The following TRPM2 variants were observed in gnomAD, a reference collection of about 807,000 sequenced individuals.
The protein encoded by TRPM2 is estrogen-responsive element-associated gene 1 protein.
TRPM2 carries 161 observed loss-of-function variants against 174.0 expected under a neutral mutation model. The observed-to-expected ratio is 0.93, with a 90% confidence interval of 0.81 to 1.05. The LOEUF (loss-of-function observed/expected upper bound fraction) is 1.05, where lower values mean the gene tolerates loss of function less well. Ranked by LOEUF, TRPM2 falls within the 50% of genes least tolerant of loss-of-function variation. TRPM2 has a pLI of 0.00. For synonymous variants in TRPM2, 954 were observed against 861.3 expected (o/e 1.11, Z -1.88); for missense variants, 2,057 against 2,038.0 (o/e 1.01, Z -0.18).
chr21:44,380,707 C>T (rs1391483537), intron 8 of TRPM2, among the ~76,000 whole-genome samples: 5 of 152,184 alleles, frequency 3.3e-5, no homozygotes, highest in Non-Finnish European at 5.9e-5. Context: ...GAGCTACCCT[C>T]GGGTGCTGCT....
chr21:44,373,280 G>GGGTTCAAGTGAT (rs1448138323), intron 5 of TRPM2, among the ~76,000 whole-genome samples: 8 of 151,996 alleles, frequency 5.3e-5, no homozygotes. Flanking sequence ...TCCGCCTCCT[G>GGGTTCAAGTGAT]GGTTCAAGTG....
chr21:44,383,157 C>A (rs772007614), intron 9 of TRPM2, among the ~76,000 whole-genome samples: 10 of 152,172 alleles, frequency 6.6e-5, no homozygotes, highest in Admixed American at 1.3e-4. Context: ...TGCTTTAGCT[C>A]CTCTACCTCT....
At chr21:44,411,927 A>C (rs1359560978) in intron 19 of TRPM2, among the ~76,000 whole-genome samples, 1 of 152,240 alleles carries the variant, frequency 6.6e-6, no homozygotes, top group South Asian at 2.1e-4. Flanking sequence ...AACCAACTTT[A>C]TGTTCCTGGG....
At chr21:44,393,504 C>A (rs2049245678) in intron 11 of TRPM2, among the ~76,000 whole-genome samples, 1 of 152,052 alleles carries the variant, frequency 6.6e-6, no homozygotes, top group Non-Finnish European at 1.5e-5. Flanking sequence ...ATTTGGGGGG[C>A]TATATTTGTC....
intron 22 of TRPM2, 63 bp from the exon 23 acceptor site, chr21:44,423,582 G>A (rs138714893): frequency 1.0e-4 from 145 of 1,399,566 alleles, no homozygotes; most frequent in African/African-American, 4.5e-4. Context: ...TCTGCAGAGC[G>A]GTGTGGCGTT....
Position 44,400,284 on chromosome 21 carries a change from G to C in TRPM2, c.2234G>C (p.Gly745Ala). 6.2e-7 allele frequency: 1 copy of C among 1,612,804 alleles called. No individual in the cohort carries two copies. The highest frequency in any genetic ancestry group is 1.1e-5 in the South Asian group (1 of 91,016). The change falls in exon 15 of 32, where the codon GGC becomes GCC. Residue 745 changes from glycine (G) to alanine (A), a missense_variant. Transcript: ENST00000397928. Reference protein sequence around the residue: ...IQAFLTKVWWGQLSVDNGLWR... With the variant: ...IQAFLTKVWWAQLSVDNGLWR... Reference sequence around the variant, plus strand: ...GCCTTCCTGACCAAGGTGTGGTGGGGCCAGCTCTCCGTGGACAATGGGCTG... The same window carrying C: ...GCCTTCCTGACCAAGGTGTGGTGGGCCCAGCTCTCCGTGGACAATGGGCTG...
chr21:44,426,685 CCTTTTA>C lies in TRPM2; in HGVS notation c.3823_3828del (p.Phe1275_Tyr1276del). 1 of 1,614,172 alleles carries C rather than the reference CCTTTTA, an allele frequency of 6.2e-7. No individual in the cohort carries two copies. On this transcript the variant is annotated inframe_deletion, in exon 26 of 32. Coordinates refer to ENST00000397928, the MANE Select transcript of TRPM2 (RefSeq NM_003307.4). ...ACGGAGTTCCTGATCTATGACCCAC[CCTTTTA>C]CACGGCAGAGAGGAAGGACGCGGCC... is the stretch of plus-strand genomic sequence containing the variant.
chr21:44,410,896 G>A (rs1170822038), intron 19 of TRPM2, among the ~76,000 whole-genome samples: 1 of 115,006 alleles, frequency 8.7e-6, no homozygotes, highest in East Asian at 2.8e-4. Context: ...AGTTTTGACT[G>A]CACTGTCTTG....
intron 2 of TRPM2, among the ~76,000 whole-genome samples, chr21:44,362,494 C>G (rs1295529791): frequency 2.0e-5 from 3 of 149,480 alleles, no homozygotes; most frequent in African/African-American, 7.5e-5. Context: ...GCCTGGGTGA[C>G]AGAGCGAGAT....
At chr21:44,414,208 T>C (rs2050200843) in intron 20 of TRPM2, 134 bp downstream of exon 20, 1 of 1,193,666 alleles carries the variant, frequency 8.4e-7, no homozygotes, top group African/African-American at 1.5e-5. Flanking sequence ...GTCACTCATA[T>C]CCTGGTGGAG....
In TRPM2 at chr21:44,399,454, G is replaced by C. The variant is rs201301335; in HGVS notation, c.2208+13G>C. ...CGGGGGCATCCAGGTGACCTCCCAA[G>C]AGCCCCTTCCAGAAACAGACGCCTG... On this transcript the variant is annotated intron_variant, in intron 14 of 31. Transcript: ENST00000397928. The surrounding 1 kb of genome is among the most constrained non-coding windows in gnomAD (Gnocchi z 4.6). The C allele has an allele frequency of 6.2e-7, 1 of 1,606,822 alleles. No homozygotes were observed. The highest frequency in any genetic ancestry group is 2.2e-5 in the East Asian group (1 of 44,748).
intron 9 of TRPM2, among the ~76,000 whole-genome samples, chr21:44,386,121 C>T (rs1043768072): frequency 3.9e-5 from 6 of 152,212 alleles, no homozygotes; most frequent in East Asian, 1.9e-4. Flanking sequence ...TGTGATGGCT[C>T]ATGCCTGTAA....
chr21:44,404,315 T>C (rs928918019), intron 16 of TRPM2, among the ~76,000 whole-genome samples: 6 of 151,726 alleles, frequency 4.0e-5, no homozygotes, highest in East Asian at 1.9e-4. Flanking sequence ...TACATGCACA[T>C]ACACATATAC....
intron 27 of TRPM2, among the ~76,000 whole-genome samples, chr21:44,433,636 ATG>A (rs1298904798): frequency 1.3e-5 from 2 of 152,116 alleles, no homozygotes; most frequent in African/African-American, 4.8e-5. Context: ...GCCTTGCTGC[ATG>A]TGTTGCCAGC....
chr21:44,398,218 T>TTTTTTTTTTTTTTTTTTTTGTTGTTG (rs1555894625), intron 13 of TRPM2, among the ~76,000 whole-genome samples: 1 of 151,430 alleles, frequency 6.6e-6, no homozygotes, highest in African/African-American at 2.4e-5. Flanking sequence ...TTTTTTTTTT[T>TTTTTTTTTTTTTTTTTTTTGTTGTTG]GAGATGGAGT....
chr21:44,372,236 G>A (rs959110168), intron 5 of TRPM2, among the ~76,000 whole-genome samples: 3 of 152,198 alleles, frequency 2.0e-5, no homozygotes, highest in Admixed American at 6.5e-5. Context: ...GAGTGCGGTG[G>A]CTCACACCTG....
chr21:44,389,545 C>T (rs532309003), intron 9 of TRPM2, among the ~76,000 whole-genome samples: 57 of 152,268 alleles, frequency 3.7e-4, no homozygotes, highest in African/African-American at 1.3e-3. Context: ...ACATCCTTGT[C>T]CACACTTGGT....
At chr21:44,374,546 C>T (rs1253577778) in intron 5 of TRPM2, among the ~76,000 whole-genome samples, 3 of 152,124 alleles carry the variant, frequency 2.0e-5, no homozygotes, top group East Asian at 3.8e-4. Context: ...GCTTGTTTTC[C>T]TGCAGCTAGA....
chr21:44,404,096 CACAT>C (rs1569072165), intron 16 of TRPM2, among the ~76,000 whole-genome samples: 1 of 152,022 alleles, frequency 6.6e-6, no homozygotes, highest in Non-Finnish European at 1.5e-5. Context: ...CACATACACA[CACAT>C]ATATACATAT....
Sources: allele counts gnomAD v4.1 joint callset (sites outside exome capture counted in the v4.1 genomes callset), GRCh38; gene constraint gnomAD v4.1.1; non-coding constraint Gnocchi (gnomAD v3.1); transcripts MANE v1.5; gene names NCBI Gene and HGNC (gene_info 2026-07-23, HGNC 2026-07-21).